NEK1: variants seen among roughly 807,000 people sequenced by gnomAD.
NEK1 encodes the protein NIMA related kinase 1, also known as serine/threonine-protein kinase Nek1.
NEK1 carries 137 observed loss-of-function variants against 182.1 expected under a neutral mutation model. The ratio of observed to expected loss-of-function variants is 0.75; its 90% CI spans 0.65 to 0.87. The LOEUF is 0.87. Ranked by LOEUF, NEK1 falls within the 40% of genes least tolerant of loss-of-function variation. NEK1 has a pLI of 0.00. For missense variants in NEK1, 1,391 were observed against 1,494.4 expected, an observed-to-expected ratio of 0.93 and a Z score of 1.14; for synonymous variants, 513 against 492.2, an observed-to-expected ratio of 1.04 and a Z score of -0.56.
chr4:169,495,556 A>C (rs1383974008), intron 23 of NEK1, among the ~76,000 whole-genome samples: 1 of 152,134 alleles, frequency 6.6e-6, no homozygotes, highest in African/African-American at 2.4e-5. Flanking sequence ...TAAGTCTTTA[A>C]TCCATCTTGA....
intron 23 of NEK1, among the ~76,000 whole-genome samples, chr4:169,486,295 C>T (rs904394120): frequency 5.9e-5 from 9 of 152,112 alleles, no homozygotes; most frequent in South Asian, 4.1e-4. Flanking sequence ...TTCTACTTCA[C>T]GTGTCAATTT....
rs372604613 is a variant in NEK1 at position 169,507,183 on chromosome 4, G to GTTTTTTTTTTTTTT, written c.1912-65_1912-52dup. ...TGAGTTACCAGAAAGAAGGGCAGAGGTTTTTTTTTTTTTTTTTGGGCCAGG... is the reference window on the plus strand; with the variant it reads ...TGAGTTACCAGAAAGAAGGGCAGAGGTTTTTTTTTTTTTTTTTTTTTTTTTTTTTTTGGGCCAGG... On this transcript the variant is annotated intron_variant, in intron 22 of 35. Coordinates refer to ENST00000507142, the MANE Select transcript of NEK1 (RefSeq NM_001199397.3). 5.4e-6 allele frequency: 3 copies of GTTTTTTTTTTTTTT among 559,112 alleles called. 1 individual carries two copies. Among genetic ancestry groups the GTTTTTTTTTTTTTT allele is most frequent in the African/African-American group, 5.5e-5 (2 of 36,154 alleles). 34.6% of individuals were successfully genotyped at this position (559,112 alleles called of 1,614,324 possible). A position where few individuals can be genotyped will look rare whatever the true frequency, so the allele number is the denominator to read the frequency against.
chr4:169,418,686 T>C (rs1490959760), intron 31 of NEK1, among the ~76,000 whole-genome samples: 1 of 151,982 alleles, frequency 6.6e-6, no homozygotes, highest in Non-Finnish European at 1.5e-5. Flanking sequence ...ATAGAATTTA[T>C]CCACAAGGAA....
chr4:169,396,959 G>A (rs372702546), intron 35 of NEK1, among the ~76,000 whole-genome samples: 5 of 152,110 alleles, frequency 3.3e-5, no homozygotes, highest in African/African-American at 9.7e-5. Context: ...GGCTGGGTGC[G>A]GTGGGTCACA....
chr4:169,590,854 A>T, intron 5 of NEK1, 45 bp from the exon 6 acceptor site: 1 of 1,278,770 alleles, frequency 7.8e-7, no homozygotes, highest in Non-Finnish European at 1.1e-6. Flanking sequence ...TTGACCATTA[A>T]AAGAATTCAA....
chr4:169,514,450 G>A (rs1002891689), intron 19 of NEK1, among the ~76,000 whole-genome samples: 2 of 152,298 alleles, frequency 1.3e-5, no homozygotes, highest in Admixed American at 6.5e-5. Flanking sequence ...TCAAATTGGT[G>A]TTAATTCTTC....
chr4:169,521,240 A>T (rs10434392), intron 19 of NEK1, among the ~76,000 whole-genome samples: 1 of 42,556 alleles, frequency 2.3e-5, no homozygotes, highest in Non-Finnish European at 5.1e-5. Context: ...TCTGAAAAGC[A>T]CAATATTCGG....
Position 169,585,492 on chromosome 4 carries a change from G to A in NEK1, c.664C>T (p.Pro222Ser), listed in dbSNP as rs1399122706. The change falls in exon 10 of 36, where the codon CCT (proline) becomes TCT (serine). Residue 222 changes from proline (P) to serine (S), a missense_variant. Pro to Ser is a moderately conservative substitution (Grantham distance 74). Transcript: ENST00000507142. ...VLKIISGSFPPVSLHYSYDLR... is the reference protein window; with the variant it reads ...VLKIISGSFPSVSLHYSYDLR... ...TCATAGGAATAATGCAAAGACACAG[G>A]TGGAAAAGATCCAGATATTATCTTC... The A allele has an allele frequency of 1.9e-6, 3 of 1,613,462 alleles. No individual in the cohort carries two copies. Among genetic ancestry groups the A allele is most frequent in the Non-Finnish European group, 1.7e-6 (2 of 1,179,670 alleles).
In NEK1 at chr4:169,406,752, A is replaced by C. The variant is rs1238294625; in HGVS notation, c.3223-5T>G. ...AAGTGAACATGTCCTTAACATCTAA[A>C]ATAAAAATCAACAAATTTCTTATTA... is the stretch of plus-strand genomic sequence containing the variant. On this transcript the variant is annotated splice_polypyrimidine_tract_variant and splice_region_variant and intron_variant, in intron 31 of 35. Transcript: ENST00000507142. 1 of 1,573,292 alleles carries C rather than the reference A, an allele frequency of 6.4e-7. No homozygotes were observed. Among genetic ancestry groups the C allele is most frequent in the Admixed American group, 2.0e-5 (1 of 50,066 alleles).
intron 26 of NEK1, among the ~76,000 whole-genome samples, chr4:169,470,508 C>T (rs2149525117): frequency 6.6e-6 from 1 of 152,314 alleles, no homozygotes; most frequent in Middle Eastern, 3.4e-3. Context: ...CAATGGGCGT[C>T]CCTTTGGGGG....
rs192445884 is a variant in NEK1 at position 169,495,721 on chromosome 4, A to G, written c.2007+11316T>C. Among the ~76,000 whole-genome samples, 470 of 152,206 alleles carry G rather than the reference A, an allele frequency of 3.1e-3. 4 individuals are homozygous for G. Among genetic ancestry groups the G allele is most frequent in the African/African-American group, 0.01 (430 of 41,520 alleles). ...AAAGATCAGATAGTTGTAGATATGC[A>G]GCATTATTTCTGAGGGCTCTGTTCT... On this transcript the variant is annotated intron_variant, in intron 23 of 35. Transcript: ENST00000507142.
intron 2 of NEK1, among the ~76,000 whole-genome samples, chr4:169,608,640 A>T (rs976558178): frequency 2.0e-5 from 3 of 152,246 alleles, no homozygotes. Flanking sequence ...GTACATATTT[A>T]TAAGACCAAA....
intron 23 of NEK1, among the ~76,000 whole-genome samples, chr4:169,496,149 T>C (rs1751225424): frequency 6.6e-6 from 1 of 152,230 alleles, no homozygotes; most frequent in South Asian, 2.1e-4. Flanking sequence ...CTAGGTATTT[T>C]ATACTCTTTG....
Position 169,546,808 on chromosome 4 carries a change from T to C in NEK1, c.1563-8897A>G, listed in dbSNP as rs568972623. On this transcript the variant is annotated intron_variant, in intron 18 of 35. Coordinates refer to ENST00000507142, the MANE Select transcript of NEK1 (RefSeq NM_001199397.3). Reference sequence around the variant, plus strand: ...GACTAGGATTGCAACCCCTGCTTTTTTTGTTTTCCATTTGCTTGGTAAATA... The same window carrying C: ...GACTAGGATTGCAACCCCTGCTTTTCTTGTTTTCCATTTGCTTGGTAAATA... 2.0e-5 allele frequency among the ~76,000 whole-genome samples: 3 copies of C among 152,356 alleles called. No homozygotes were observed. In the South Asian group the frequency reaches 6.2e-4, roughly 32 times the overall value.
chr4:169,488,019 T>C (rs2149593313), intron 23 of NEK1, among the ~76,000 whole-genome samples: 1 of 152,232 alleles, frequency 6.6e-6, no homozygotes, highest in Non-Finnish European at 1.5e-5. Flanking sequence ...AAAATGGACA[T>C]TTTTGTTTTT....
intron 27 of NEK1, among the ~76,000 whole-genome samples, chr4:169,461,318 A>C (rs77669323): frequency 0.073 from 11,141 of 152,122 alleles, 1,338 homozygotes; most frequent in African/African-American, 0.25. Flanking sequence ...TGATACACCC[A>C]AAAATTGCTT....
chr4:169,463,869 G>C (rs976877970), intron 26 of NEK1, among the ~76,000 whole-genome samples: 3 of 152,180 alleles, frequency 2.0e-5, no homozygotes, highest in Non-Finnish European at 4.4e-5. Flanking sequence ...CTGGGCTCAA[G>C]TGACCCTCCC....
At chr4:169,513,966 G>GTTAGTTATTTATTTAT (rs1554054599) in intron 19 of NEK1, among the ~76,000 whole-genome samples, 2 of 144,542 alleles carry the variant, frequency 1.4e-5, no homozygotes, top group African/African-American at 5.3e-5. Context: ...GAGGATTTTT[G>GTTAGTTATTTATTTAT]TTATTTATTT....
intron 27 of NEK1, among the ~76,000 whole-genome samples, chr4:169,444,480 A>G (rs1369218396): frequency 6.6e-6 from 1 of 151,532 alleles, no homozygotes; most frequent in Non-Finnish European, 1.5e-5. Flanking sequence ...ATATCAGATA[A>G]GACATATTTT....
Sources: allele counts gnomAD v4.1 joint callset (sites outside exome capture counted in the v4.1 genomes callset), GRCh38; gene constraint gnomAD v4.1.1; transcripts MANE v1.5; gene names NCBI Gene and HGNC (gene_info 2026-07-23, HGNC 2026-07-21).